Variants in RANBP9 observed in about 807,000 individuals in gnomAD.
RANBP9 encodes the protein RAN binding protein 9.
RANBP9 carries 15 observed loss-of-function variants against 84.3 expected under a neutral mutation model. The observed-to-expected ratio is 0.18, with a 90% CI of 0.12 to 0.27. RANBP9 has a LOEUF of 0.27. Among genes scored for constraint, RANBP9 ranks in the 10% least tolerant of loss-of-function variants. RANBP9 has a pLI of 1.00. For missense variants in RANBP9, 809 were observed against 912.8 expected, an observed-to-expected ratio of 0.89 and a Z score of 1.46; for synonymous variants, 392 against 349.6, an observed-to-expected ratio of 1.12 and a Z score of -1.35.
At chr6:13,651,207 T>G (rs755618946) in intron 5 of RANBP9, among the ~76,000 whole-genome samples, 18 of 152,014 alleles carry the variant, frequency 1.2e-4, no homozygotes, top group Non-Finnish European at 2.5e-4. Context: ...TTTTCCCCCT[T>G]GGTGTCACAG....
intron 8 of RANBP9, among the ~76,000 whole-genome samples, chr6:13,640,847 T>C (rs1765047678): frequency 6.6e-6 from 1 of 152,110 alleles, no homozygotes; most frequent in Admixed American, 6.6e-5. Context: ...ATGTAAAAAA[T>C]GGTAAATTTT....
intron 2 of RANBP9, among the ~76,000 whole-genome samples, chr6:13,680,445 T>C (rs542072776): frequency 9.1e-4 from 139 of 151,930 alleles, no homozygotes; most frequent in African/African-American, 3.1e-3. Context: ...ATGGAGCTCA[T>C]AAAAAAACAT....
intron 2 of RANBP9, among the ~76,000 whole-genome samples, chr6:13,661,014 C>T (rs1194577440): frequency 1.3e-5 from 2 of 152,222 alleles, no homozygotes; most frequent in East Asian, 3.8e-4. Flanking sequence ...GTTCCCCCTC[C>T]TCTGGGTAAA....
intron 4 of RANBP9, 25 bp downstream of exon 4, chr6:13,657,084 T>A (rs1290614585): frequency 6.4e-7 from 1 of 1,557,394 alleles, no homozygotes; most frequent in Admixed American, 1.8e-5. Flanking sequence ...TTGGTTATTT[T>A]GCATGCAATA....
chr6:13,711,219 G>A lies in RANBP9; in HGVS notation c.287C>T (p.Ala96Val). 9.0e-7 allele frequency: 1 copy of A among 1,113,048 alleles called. No individual in the cohort carries two copies. The highest frequency in any genetic ancestry group is 1.1e-6 in the Non-Finnish European group (1 of 908,966). 68.9% of individuals were successfully genotyped at this position (1,113,048 alleles called of 1,614,324 possible). The change falls in exon 1 of 14, where the codon GCT becomes GTT. Residue 96 changes from alanine to valine, a missense_variant. Transcript: ENST00000011619. ...AGCGGGCGGCCCGCTGGCGGGGGCA[G>A]CCGCTGAGGCAGGGGGAGGCGGGGG... The part of the protein sequence containing the change: ...PPPPPPPASA[A>V]APASGPPAPP...
intron 11 of RANBP9, 136 bp downstream of exon 11, chr6:13,634,295 T>TGCA: frequency 1.9e-6 from 2 of 1,039,392 alleles, no homozygotes; most frequent in Non-Finnish European, 2.7e-6. Flanking sequence ...TTAAGTGCTA[T>TGCA]GCATTACTGT....
At chr6:13,681,320 T>C (rs1036529206) in intron 2 of RANBP9, among the ~76,000 whole-genome samples, 32 of 128,410 alleles carry the variant, frequency 2.5e-4, no homozygotes, top group Non-Finnish European at 4.2e-4. Flanking sequence ...GGTTGTTATG[T>C]AATTTTAGTT....
At chr6:13,652,248 G>A (rs1424626488) in intron 5 of RANBP9, among the ~76,000 whole-genome samples, 1 of 152,096 alleles carries the variant, frequency 6.6e-6, no homozygotes, top group Non-Finnish European at 1.5e-5. Context: ...AAGTCCAAGA[G>A]GGCAGAGACC....
intron 2 of RANBP9, among the ~76,000 whole-genome samples, chr6:13,681,820 G>C (rs910447152): frequency 1.3e-5 from 2 of 151,652 alleles, no homozygotes; most frequent in Admixed American, 1.3e-4. Flanking sequence ...TACCTGAAGG[G>C]GGAAGAAAAA....
chr6:13,658,755 T>TA (rs1765468041), intron 3 of RANBP9, 25 bp downstream of exon 3: 1 of 1,517,410 alleles, frequency 6.6e-7, no homozygotes, highest in Admixed American at 1.7e-5. Flanking sequence ...TAAGACATAA[T>TA]ACTGTAATTC....
rs1401846734 is a variant in RANBP9, at chr6:13,641,232, A to G, written c.1301T>C (p.Leu434Pro). 1.3e-6 allele frequency: 2 copies of G among 1,595,896 alleles called. No individual in the cohort carries two copies. The highest frequency in any genetic ancestry group is 2.3e-5 in the East Asian group (1 of 43,994). The change falls in exon 8 of 14, where the codon CTT becomes CCT. Residue 434 changes from leucine (L) to proline (P), a missense_variant. This residue lies in a region of RANBP9 where 216 missense variants were observed against 329.0 expected (regional missense o/e 0.66). Coordinates refer to ENST00000011619, the MANE Select transcript of RANBP9 (RefSeq NM_005493.3). ...GAAAAGGAGATTAGGATTTCTTTCA[A>G]GTAAACTTGGGTATAACTGTTGTGT... ...ETTQQLYPSL[L>P]ERNPNLLFTL...
intron 2 of RANBP9, among the ~76,000 whole-genome samples, chr6:13,672,437 G>A (rs1340013687): frequency 6.6e-6 from 1 of 152,064 alleles, no homozygotes; most frequent in Non-Finnish European, 1.5e-5. Flanking sequence ...ATTAATAAAA[G>A]TTTCTAAGGA....
At chr6:13,623,417 A>C (rs1764513664) in intron 13 of RANBP9, among the ~76,000 whole-genome samples, 1 of 152,226 alleles carries the variant, frequency 6.6e-6, no homozygotes, top group Non-Finnish European at 1.5e-5. Context: ...AAAGAAGAGG[A>C]AATTTCCAAA....
In RANBP9 at chr6:13,675,610, T is replaced by C. The variant is rs1049099729; in HGVS notation, c.684-16778A>G. 4.7e-5 allele frequency among the ~76,000 whole-genome samples: 7 copies of C among 148,282 alleles called. No individual in the cohort carries two copies. In the East Asian group the frequency reaches 1.2e-3, roughly 25 times the overall value. ...ACAAACCTAGAGAAAGAAGAAGAAA[T>C]GAGAAATAGAGATAGCAATGAAATT... is the stretch of plus-strand genomic sequence containing the variant. On this transcript the variant is annotated intron_variant, in intron 2 of 13. Coordinates refer to ENST00000011619, the MANE Select transcript of RANBP9 (RefSeq NM_005493.3).
intron 2 of RANBP9, among the ~76,000 whole-genome samples, chr6:13,672,940 T>C (rs751526700): frequency 1.8e-4 from 28 of 151,504 alleles, no homozygotes; most frequent in Non-Finnish European, 3.1e-4. Context: ...AAAATATTCA[T>C]AATAGTAATG....
intron 12 of RANBP9, among the ~76,000 whole-genome samples, chr6:13,626,985 T>C (rs1584907135): frequency 6.6e-6 from 1 of 152,226 alleles, no homozygotes. Flanking sequence ...CCACAAGGCA[T>C]GGAATACACG....
intron 1 of RANBP9, among the ~76,000 whole-genome samples, chr6:13,700,866 G>C (rs936554045): frequency 2.6e-5 from 4 of 152,142 alleles, no homozygotes; most frequent in African/African-American, 9.7e-5. Context: ...TGCCTACAAA[G>C]TTCCCAAGGT....
intron 2 of RANBP9, among the ~76,000 whole-genome samples, chr6:13,694,556 T>C (rs1766397938): frequency 6.6e-6 from 1 of 152,244 alleles, no homozygotes; most frequent in Admixed American, 6.5e-5. Flanking sequence ...AGAGCTGTTC[T>C]ATATAAAGCA....
At chr6:13,688,982 C>CAAAAAAAAAAAA (rs1164073062) in intron 2 of RANBP9, among the ~76,000 whole-genome samples, 3 of 29,956 alleles carry the variant, frequency 1.0e-4, no homozygotes, top group African/African-American at 3.1e-4. Flanking sequence ...CCCATCTCCA[C>CAAAAAAAAAAAA]AAAAAAAAAA....
Sources: allele counts gnomAD v4.1 joint callset (sites outside exome capture counted in the v4.1 genomes callset), GRCh38; gene constraint gnomAD v4.1.1; regional missense constraint gnomAD v4.1.1; transcripts MANE v1.5; gene names NCBI Gene and HGNC (gene_info 2026-07-23, HGNC 2026-07-21).